EPHB6: variants seen among roughly 807,000 people sequenced by gnomAD.
EPHB6 encodes ephrin type-B receptor 6.
Under a neutral mutation model 107.0 loss-of-function variants are expected in EPHB6, and 51 were observed. That is an observed-to-expected ratio of 0.48 (90% confidence interval 0.38 to 0.60). EPHB6 has a LOEUF of 0.60. Among genes scored for constraint, EPHB6 ranks in the 20% least tolerant of loss-of-function variants. The pLI, the probability that EPHB6 is intolerant of heterozygous loss-of-function variation, is 0.00. For synonymous variants in EPHB6, 553 were observed against 549.0 expected, an observed-to-expected ratio of 1.01 and a Z score of -0.10; for missense variants, 1,141 against 1,355.5, an observed-to-expected ratio of 0.84 and a Z score of 2.48.
rs746265517 is a variant in EPHB6, at chr7:142,867,999, A to G, written c.1868A>G (p.Lys623Arg). The G allele has an allele frequency of 1.3e-6, 2 of 1,576,250 alleles. No individual in the cohort carries two copies. Among genetic ancestry groups the G allele is most frequent in the East Asian group, 4.7e-5 (2 of 42,636 alleles). Residue 623 changes from lysine (K) to arginine (R), a missense_variant and splice_region_variant, in exon 13 of 20, where the codon AAG becomes AGG. Lys to Arg is a conservative substitution (Grantham distance 26, BLOSUM62 2). Around this residue, in one of 3 missense-constraint regions of EPHB6, gnomAD observed 616 missense variants for 759.3 expected, o/e 0.81. Coordinates refer to ENST00000652003, the MANE Select transcript of EPHB6 (RefSeq NM_004445.6). The surrounding 1 kb of genome is among the most constrained non-coding windows in gnomAD (Gnocchi z 5.3). ...CCAGTCACCGTTTTGTTCCTCAGGA[A>G]GCGGCGTGGGACTGGCTACACAGAG... is the stretch of plus-strand genomic sequence containing the variant. ...ITVLAVVFQR[K>R]RRGTGYTEQL...
rs2116468669 is a variant in EPHB6 at position 142,868,431 on chromosome 7, C to G, written c.2039-61C>G. ...TGGCCTCCGCTGGCCAGAGTCCCAT[C>G]CAAACACAGCAGGACGCTGTGAGCC... On this transcript the variant is annotated intron_variant, in intron 14 of 19. Coordinates refer to ENST00000652003, the MANE Select transcript of EPHB6 (RefSeq NM_004445.6). This position sits in a 1 kb window ranked among gnomAD's most constrained non-coding sequence, Gnocchi z 4.2. The G allele has an allele frequency of 6.2e-7, 1 of 1,614,000 alleles. No individual in the cohort carries two copies. Among genetic ancestry groups the G allele is most frequent in the Non-Finnish European group, 8.5e-7 (1 of 1,179,890 alleles).
Position 142,866,719 on chromosome 7 carries a change from T to A in EPHB6, c.1587+114T>A. On this transcript the variant is annotated intron_variant, in intron 10 of 19. Transcript: ENST00000652003. The surrounding 1 kb of genome is among the most constrained non-coding windows in gnomAD (Gnocchi z 5.2). ...AGGAATGAGGGGTCCGCAACAGGGC[T>A]GGCAGGAGCTCACAGTCCCCACAGT... is the stretch of plus-strand genomic sequence containing the variant. 1 of 1,597,488 alleles carries A rather than the reference T, an allele frequency of 6.3e-7. No individual in the cohort carries two copies. The highest frequency in any genetic ancestry group is 8.5e-7 in the Non-Finnish European group (1 of 1,169,718).
At chr7:142,861,895 G>A (rs1168374679) in intron 2 of EPHB6, 122 bp from the exon 3 acceptor site, 1 of 152,214 alleles carries the variant, frequency 6.6e-6, no homozygotes, top group Non-Finnish European at 1.5e-5. Context: ...GTATGTACAA[G>A]AGAACCTATT....
At chr7:142,861,672 T>C (rs1802848879) in intron 2 of EPHB6, among the ~76,000 whole-genome samples, 1 of 152,238 alleles carries the variant, frequency 6.6e-6, no homozygotes, top group Admixed American at 6.5e-5. Context: ...TTTCTAAGGA[T>C]GTACTATAAT....
In EPHB6 at chr7:142,869,352, A is replaced by C. The variant is rs1794789647; in HGVS notation, c.2460+205A>C. ...GATTTCAGGGACCGAGACAAAGGGG[A>C]TGAGGGAGGGGAGGAGACCTGCAAC... On this transcript the variant is annotated intron_variant, in intron 16 of 19. Coordinates refer to ENST00000652003, the MANE Select transcript of EPHB6 (RefSeq NM_004445.6). The surrounding 1 kb of genome is among the most constrained non-coding windows in gnomAD (Gnocchi z 4.5). 5.3e-5 allele frequency among the ~76,000 whole-genome samples: 8 copies of C among 151,976 alleles called. No homozygotes were observed. In the South Asian group the frequency reaches 1.7e-3, roughly 32 times the overall value.
At chr7:142,860,665 C>G (rs1354163740) in intron 1 of EPHB6, among the ~76,000 whole-genome samples, 3 of 152,160 alleles carry the variant, frequency 2.0e-5, no homozygotes, top group Admixed American at 6.5e-5. Flanking sequence ...TACTTGTCTC[C>G]ATAGGCTGTA....
chr7:142,869,671 G>C lies in EPHB6; in HGVS notation c.2461-146G>C, dbSNP rs1276971714. On this transcript the variant is annotated intron_variant, in intron 16 of 19. Coordinates refer to ENST00000652003, the MANE Select transcript of EPHB6 (RefSeq NM_004445.6). This position sits in a 1 kb window ranked among gnomAD's most constrained non-coding sequence, Gnocchi z 4.5. Reference sequence around the variant, plus strand: ...GCTTCTGCTTCTGTGAAATGGAGATGATATCATCCACCTTAGAGGGTTGTT... The same window carrying C: ...GCTTCTGCTTCTGTGAAATGGAGATCATATCATCCACCTTAGAGGGTTGTT... 3.3e-6 allele frequency: 3 copies of C among 917,222 alleles called. No homozygotes were observed. The East Asian group carries it at 7.9e-5, about 24-fold the overall frequency. 56.8% of individuals were successfully genotyped at this position (917,222 alleles called of 1,614,324 possible).
Position 142,869,060 on chromosome 7 carries a change from C to T in EPHB6, c.2373C>T (p.Ala791=). ...AAAMQYLSSF[A]FVHRSLSAHS... The stretch of plus-strand genomic sequence containing the variant: ...CCATGCAGTACCTGTCCAGCTTTGC[C>T]TTCGTCCATCGCTCGCTGTCTGCCC... Residue 791 remains alanine, a synonymous_variant, in exon 16 of 20, where the codon GCC becomes GCT. Transcript: ENST00000652003. The surrounding 1 kb of genome is among the most constrained non-coding windows in gnomAD (Gnocchi z 4.5). 15 of 1,613,652 alleles carry T rather than the reference C, an allele frequency of 9.3e-6. No individual in the cohort carries two copies. The highest frequency in any genetic ancestry group is 2.7e-5 in the African/African-American group (2 of 75,058).
In EPHB6 at chr7:142,866,266, G is replaced by A; in HGVS notation, c.1412G>A (p.Ser471Asn). The A allele has an allele frequency of 6.2e-7, 1 of 1,614,014 alleles. No homozygotes were observed. The highest frequency in any genetic ancestry group is 8.5e-7 in the Non-Finnish European group (1 of 1,179,988). ...GCTGTTAATGGGGTGTCTGAGCTCA[G>A]CCCTGACCCTCCTCAGGCTGCAGCC... is the stretch of plus-strand genomic sequence containing the variant. The part of the protein sequence containing the change: ...VQAVNGVSEL[S>N]PDPPQAAAIN... The change falls in exon 9 of 20, where the codon AGC becomes AAC. Residue 471 changes from serine (S) to asparagine (N), a missense_variant. This residue lies in a region of EPHB6 where 616 missense variants were observed against 759.3 expected (regional missense o/e 0.81). Transcript: ENST00000652003. This position sits in a 1 kb window ranked among gnomAD's most constrained non-coding sequence, Gnocchi z 5.2.
intron 1 of EPHB6, among the ~76,000 whole-genome samples, chr7:142,859,348 G>A (rs1802746828): frequency 6.6e-6 from 1 of 152,216 alleles, no homozygotes; most frequent in African/African-American, 2.4e-5. Context: ...CAAGTTCTGA[G>A]TCCTGCTTAC....
chr7:142,860,738 G>A (rs1474808285), intron 1 of EPHB6, among the ~76,000 whole-genome samples: 1 of 152,174 alleles, frequency 6.6e-6, no homozygotes, highest in Non-Finnish European at 1.5e-5. Flanking sequence ...TCAGGGGCTA[G>A]TTGGCAGGTG....
At position 142,869,906 on chromosome 7, in the gene EPHB6, A is replaced by G. The variant is rs1455116915; in HGVS notation, c.2550A>G (p.Ile850Met). 1 of 1,614,164 alleles carries G rather than the reference A, an allele frequency of 6.2e-7. No individual in the cohort carries two copies. The highest frequency in any genetic ancestry group is 1.1e-5 in the South Asian group (1 of 91,082). Residue 850 changes from isoleucine (I) to methionine (M), a missense_variant, in exon 17 of 20, where the codon ATA (isoleucine) becomes ATG (methionine). Coordinates refer to ENST00000652003, the MANE Select transcript of EPHB6 (RefSeq NM_004445.6). This position sits in a 1 kb window ranked among gnomAD's most constrained non-coding sequence, Gnocchi z 4.5. ...TTSSDVWSFG[I>M]LMWEVMSYGE... ...CCAGTGATGTCTGGAGCTTTGGGAT[A>G]CTCATGTGGGAAGTGATGAGTTATG...
In EPHB6 at chr7:142,868,446, C is replaced by T. The variant is rs370751679; in HGVS notation, c.2039-46C>T. 1.9e-4 allele frequency: 302 copies of T among 1,614,122 alleles called. No individual in the cohort carries two copies. Among genetic ancestry groups the T allele is most frequent in the African/African-American group, 1.9e-4 (14 of 75,020 alleles). ...AGAGTCCCATCCAAACACAGCAGGA[C>T]GCTGTGAGCCTTGATCCCCACCCCA... On this transcript the variant is annotated intron_variant, in intron 14 of 19. Coordinates refer to ENST00000652003, the MANE Select transcript of EPHB6 (RefSeq NM_004445.6). The surrounding 1 kb of genome is among the most constrained non-coding windows in gnomAD (Gnocchi z 4.2).
Position 142,863,192 on chromosome 7 carries a change from TG to T in EPHB6, c.-34del, listed in dbSNP as rs745889681. ...GCAGCCCCACCCAGGAGCAGGGTGG[TG>T]GCTGGGGCGATGGTGGACGCCCTGA... On this transcript the variant is annotated 5_prime_UTR_variant, in exon 5 of 20. Coordinates refer to ENST00000652003, the MANE Select transcript of EPHB6 (RefSeq NM_004445.6). 6.3e-6 allele frequency: 10 copies of T among 1,593,662 alleles called. No individual in the cohort carries two copies. The highest frequency in any genetic ancestry group is 1.7e-4 in the Middle Eastern group (1 of 6,010).
Position 142,864,187 on chromosome 7 carries a change from C to T in EPHB6, c.387C>T (p.Thr129=), listed in dbSNP as rs907101747. ...VSGGTCRETF[T]LYYRQAEEPD... is the part of the protein sequence containing the mutation. ...GCGGCACCTGCCGGGAGACCTTCAC[C>T]CTTTACTACCGTCAGGCTGAGGAGC... The change falls in exon 7 of 20, where the codon ACC becomes ACT. Residue 129 remains threonine (T), a synonymous_variant. Coordinates refer to ENST00000652003, the MANE Select transcript of EPHB6 (RefSeq NM_004445.6). 1.2e-6 allele frequency: 2 copies of T among 1,613,800 alleles called. No homozygotes were observed. Among genetic ancestry groups the T allele is most frequent in the African/African-American group, 2.7e-5 (2 of 74,946 alleles).
chr7:142,867,499 A>G lies in EPHB6; in HGVS notation c.1751-109A>G, dbSNP rs921551188. Reference sequence around the variant, plus strand: ...TGCATGGATGTGGGAGGTTTGGGGCATGCGCGTGCATGTTGTGTGTGCCTG... The same window carrying G: ...TGCATGGATGTGGGAGGTTTGGGGCGTGCGCGTGCATGTTGTGTGTGCCTG... On this transcript the variant is annotated intron_variant, in intron 11 of 19. Transcript: ENST00000652003. The surrounding 1 kb of genome is among the most constrained non-coding windows in gnomAD (Gnocchi z 5.3). 2.2e-6 allele frequency: 2 copies of G among 892,186 alleles called. No individual in the cohort carries two copies. The highest frequency in any genetic ancestry group is 5.2e-5 in the East Asian group (2 of 38,240). 55.3% of individuals were successfully genotyped at this position (892,186 alleles called of 1,614,324 possible). A position where few individuals can be genotyped will look rare whatever the true frequency, so the allele number is the denominator to read the frequency against.
chr7:142,855,480 T>C lies in EPHB6; in HGVS notation c.-432+95T>C, dbSNP rs8177102. The C allele has an allele frequency of 0.89, 135,055 of 152,294 alleles. 61,253 individuals carry two copies. The highest frequency in any genetic ancestry group is 0.99 in the East Asian group (5,096 of 5,128). 9.4% of individuals were successfully genotyped at this position (152,294 alleles called of 1,614,324 possible). A position where few individuals can be genotyped will look rare whatever the true frequency, so the allele number is the denominator to read the frequency against. The stretch of plus-strand genomic sequence containing the variant: ...AGGTTTGCAAGAGTAGTGGGGCTCC[T>C]CAGCCCCTAGGTGGCTTCCTGAGGG... On this transcript the variant is annotated intron_variant, in intron 1 of 19. Transcript: ENST00000652003. The surrounding 1 kb of genome is among the most constrained non-coding windows in gnomAD (Gnocchi z 4.2).
In EPHB6 at chr7:142,867,762, A is replaced by G; in HGVS notation, c.1865+40A>G. 6.4e-7 allele frequency: 1 copy of G among 1,557,468 alleles called. No individual in the cohort carries two copies. Among genetic ancestry groups the G allele is most frequent in the Non-Finnish European group, 8.7e-7 (1 of 1,145,010 alleles). On this transcript the variant is annotated intron_variant, in intron 12 of 19. Coordinates refer to ENST00000652003, the MANE Select transcript of EPHB6 (RefSeq NM_004445.6). This position sits in a 1 kb window ranked among gnomAD's most constrained non-coding sequence, Gnocchi z 5.3. ...CTGCCCAACTCTGCCCAGCACCATT[A>G]ACTCCACAGCCAAACCTCAAGTCCT... is the stretch of plus-strand genomic sequence containing the variant.
chr7:142,866,527 C>T lies in EPHB6; in HGVS notation c.1509C>T (p.Asn503=). Residue 503 remains asparagine (N), a synonymous_variant, in exon 10 of 20, where the codon AAC becomes AAT. Transcript: ENST00000652003. The surrounding 1 kb of genome is among the most constrained non-coding windows in gnomAD (Gnocchi z 5.2). ...PVVHQVSRAS[N]SITVSWPQPD... ...TGCACCAGGTGAGCCGGGCATCCAACAGCATCACGGTGTCCTGGCCGCAGC... is the reference window on the plus strand; with the variant it reads ...TGCACCAGGTGAGCCGGGCATCCAATAGCATCACGGTGTCCTGGCCGCAGC... 6.2e-7 allele frequency: 1 copy of T among 1,614,214 alleles called. No homozygotes were observed. The highest frequency in any genetic ancestry group is 8.5e-7 in the Non-Finnish European group (1 of 1,180,030).
Sources: gnomAD v4.1 joint callset for allele counts (sites outside exome capture counted in the v4.1 genomes callset) on GRCh38, gnomAD v4.1.1 for gene constraint, gnomAD v4.1.1 regional missense constraint, Gnocchi (gnomAD v3.1) non-coding constraint, MANE v1.5 for transcripts, NCBI Gene and HGNC (gene_info 2026-07-23, HGNC 2026-07-21) for gene names.